ITGBL1: variants seen among roughly 807,000 people sequenced by gnomAD.
ITGBL1 encodes the protein integrin beta-like protein 1.
A neutral mutation model predicts 68.5 loss-of-function variants in ITGBL1; 51 were observed. The observed-to-expected ratio is 0.74, with a 90% CI of 0.59 to 0.94. The LOEUF (loss-of-function observed/expected upper bound fraction) is 0.94, where lower values mean the gene tolerates loss of function less well. ITGBL1 is among the 40% of genes least tolerant of loss of function. ITGBL1 has a pLI of 0.00. For missense variants in ITGBL1, 649 were observed against 647.4 expected, an observed-to-expected ratio of 1.00 and a Z score of -0.03; for synonymous variants, 209 against 227.3, an observed-to-expected ratio of 0.92 and a Z score of 0.72.
chr13:101,488,049 G>A (rs2048724824), intron 2 of ITGBL1, among the ~76,000 whole-genome samples: 1 of 152,198 alleles, frequency 6.6e-6, no homozygotes, highest in Non-Finnish European at 1.5e-5. Flanking sequence ...CCCTCATGAT[G>A]AGAAGGGAGA....
intron 2 of ITGBL1, among the ~76,000 whole-genome samples, chr13:101,566,297 G>A (rs563612931): frequency 9.2e-5 from 14 of 152,122 alleles, no homozygotes; most frequent in Non-Finnish European, 1.9e-4. Flanking sequence ...CAAGAATTTG[G>A]CTTAATGCTT....
At chr13:101,594,454 TGTAAAACC>T (rs2050709208) in intron 6 of ITGBL1, among the ~76,000 whole-genome samples, 1 of 152,174 alleles carries the variant, frequency 6.6e-6, no homozygotes. Flanking sequence ...AAGACTTATA[TGTAAAACC>T]TGAAATTTTA....
chr13:101,483,903 G>A (rs2048664078), intron 2 of ITGBL1, among the ~76,000 whole-genome samples: 1 of 152,120 alleles, frequency 6.6e-6, no homozygotes, highest in Non-Finnish European at 1.5e-5. Context: ...AGGAAGCTTA[G>A]CCTTAATCAG....
chr13:101,719,142 A>G (rs1373528839), downstream of ITGBL1: 1 of 152,176 alleles, frequency 6.6e-6, no homozygotes, highest in Non-Finnish European at 1.5e-5. Flanking sequence ...CCATAATATT[A>G]GGGAGATAAT....
At chr13:101,619,971 A>G (rs1048070205) in intron 7 of ITGBL1, among the ~76,000 whole-genome samples, 1 of 152,126 alleles carries the variant, frequency 6.6e-6, no homozygotes, top group Non-Finnish European at 1.5e-5. Context: ...TTGAAGTCTT[A>G]CAATTTATTC....
At position 101,579,344 on chromosome 13, in the gene ITGBL1, A is replaced by C. The variant is rs2050415738; in HGVS notation, c.644A>C (p.Lys215Thr). 1 of 1,614,006 alleles carries C rather than the reference A, an allele frequency of 6.2e-7. No homozygotes were observed. The highest frequency in any genetic ancestry group is 8.5e-7 in the Non-Finnish European group (1 of 1,179,906). Reference sequence around the variant, plus strand: ...TGCAAGGCTGGTTGGCATGGAGATAAATGTGAATTCCAGTGCGATATCACC... The same window carrying C: ...TGCAAGGCTGGTTGGCATGGAGATACATGTGAATTCCAGTGCGATATCACC... ...CYCKAGWHGD[K>T]CEFQCDITPW... Residue 215 changes from lysine to threonine, a missense_variant, in exon 5 of 11, where the codon AAA becomes ACA. Lys to Thr is a moderately conservative substitution (Grantham distance 78, BLOSUM62 -1). Transcript: ENST00000376180.
At chr13:101,619,364 A>G (rs1164840351) in intron 7 of ITGBL1, among the ~76,000 whole-genome samples, 1 of 152,004 alleles carries the variant, frequency 6.6e-6, no homozygotes, top group Non-Finnish European at 1.5e-5. Context: ...ACAAGTGGAC[A>G]TGGGAAAGAA....
chr13:101,461,485 G>A (rs2048317195), intron 2 of ITGBL1, among the ~76,000 whole-genome samples: 2 of 152,140 alleles, frequency 1.3e-5, no homozygotes, highest in Admixed American at 1.3e-4. Flanking sequence ...TTGAAGCCCA[G>A]TGGTTTGAGA....
rs189209923 is a variant in ITGBL1 at position 101,580,389 on chromosome 13, G to A, written c.727+962G>A. ...ACAAAATCATGAAGTCTTCCTTTGT[G>A]GGGACTAAATCTTACTATATATCAT... On this transcript the variant is annotated intron_variant, in intron 5 of 10. Transcript: ENST00000376180. 5.6e-3 allele frequency among the ~76,000 whole-genome samples: 855 copies of A among 152,080 alleles called. 8 individuals are homozygous for A. The highest frequency in any genetic ancestry group is 7.6e-3 in the Non-Finnish European group (520 of 67,994).
At chr13:101,691,932 A>C (rs2033890588) in intron 7 of ITGBL1, among the ~76,000 whole-genome samples, 1 of 152,226 alleles carries the variant, frequency 6.6e-6, no homozygotes, top group African/African-American at 2.4e-5. Context: ...TCAATAAATC[A>C]TGATGAAAGT....
intron 6 of ITGBL1, among the ~76,000 whole-genome samples, chr13:101,587,215 A>G (rs2139298858): frequency 6.6e-6 from 1 of 152,332 alleles, no homozygotes; most frequent in Admixed American, 6.5e-5. Flanking sequence ...TAAATATTTT[A>G]TGCCTAACAC....
intron 5 of ITGBL1, among the ~76,000 whole-genome samples, chr13:101,582,225 G>T (rs926000268): frequency 5.3e-5 from 8 of 151,786 alleles, no homozygotes; most frequent in Middle Eastern, 3.4e-3. Context: ...AGCTTTGTCA[G>T]TCTTTTTTTT....
chr13:101,701,146 A>G (rs922399379), intron 8 of ITGBL1, among the ~76,000 whole-genome samples: 1 of 152,230 alleles, frequency 6.6e-6, no homozygotes, highest in Non-Finnish European at 1.5e-5. Flanking sequence ...CATATAAATG[A>G]CAACTCAAAG....
At chr13:101,698,807 T>G (rs1270181124) in intron 8 of ITGBL1, among the ~76,000 whole-genome samples, 3 of 152,210 alleles carry the variant, frequency 2.0e-5, no homozygotes, top group Non-Finnish European at 2.9e-5. Context: ...CTAATATAAG[T>G]TAAATCAGAG....
At chr13:101,707,155 A>T (rs933697591) in intron 9 of ITGBL1, among the ~76,000 whole-genome samples, 1 of 152,208 alleles carries the variant, frequency 6.6e-6, no homozygotes, top group African/African-American at 2.4e-5. Flanking sequence ...TAGAATTAAT[A>T]CTTTTATCAA....
chr13:101,706,067 C>A (rs1319217842), intron 8 of ITGBL1, among the ~76,000 whole-genome samples: 2 of 152,116 alleles, frequency 1.3e-5, no homozygotes, highest in African/African-American at 4.8e-5. Flanking sequence ...AGGCAATAAA[C>A]AGGTGTACAT....
At chr13:101,708,290 C>T (rs569858208) in intron 9 of ITGBL1, among the ~76,000 whole-genome samples, 1 of 152,134 alleles carries the variant, frequency 6.6e-6, no homozygotes, top group Non-Finnish European at 1.5e-5. Flanking sequence ...GTCTGGGGAG[C>T]AGCGCTTCAA....
At chr13:101,678,162 A>C (rs548598502) in intron 7 of ITGBL1, among the ~76,000 whole-genome samples, 1 of 152,238 alleles carries the variant, frequency 6.6e-6, no homozygotes, top group South Asian at 2.1e-4. Context: ...ATGAATTTGC[A>C]TCATCCCAAA....
chr13:101,655,080 T>C (rs2032875268), intron 7 of ITGBL1, among the ~76,000 whole-genome samples: 1 of 152,122 alleles, frequency 6.6e-6, no homozygotes, highest in Non-Finnish European at 1.5e-5. Flanking sequence ...TGGCGTGCAA[T>C]CTGGAGACAG....
Sources: gnomAD v4.1 joint callset for allele counts (sites outside exome capture counted in the v4.1 genomes callset) on GRCh38, gnomAD v4.1.1 for gene constraint, MANE v1.5 for transcripts, NCBI Gene and HGNC (gene_info 2026-07-23, HGNC 2026-07-21) for gene names.